The following ADAMTS19 variants were observed in gnomAD, a reference collection of about 807,000 sequenced individuals.
The protein encoded by ADAMTS19 is ADAM metallopeptidase with thrombospondin type 1 motif 19.
ADAMTS19 carries 93 observed loss-of-function variants against 153.3 expected under a neutral mutation model. The ratio of observed to expected loss-of-function variants is 0.61; its 90% CI spans 0.51 to 0.72. ADAMTS19 has a LOEUF of 0.72. ADAMTS19 is among the 30% of genes least tolerant of loss of function. The pLI, the probability that ADAMTS19 is intolerant of heterozygous loss-of-function variation, is 0.00. For missense variants in ADAMTS19, 1,482 were observed against 1,552.1 expected (o/e 0.95, Z 0.76); for synonymous variants, 600 against 556.6 (o/e 1.08, Z -1.10).
At chr5:129,619,119 A>G (rs1009310262) in intron 8 of ADAMTS19, among the ~76,000 whole-genome samples, 18 of 152,090 alleles carry the variant, frequency 1.2e-4, no homozygotes, top group Non-Finnish European at 1.5e-4. Flanking sequence ...ATTAATGTTG[A>G]TGATTAAGTA....
At chr5:129,711,147 T>A (rs1326412219) in intron 21 of ADAMTS19, among the ~76,000 whole-genome samples, 1 of 152,180 alleles carries the variant, frequency 6.6e-6, no homozygotes, top group Non-Finnish European at 1.5e-5. Context: ...ACTCAATCCC[T>A]TGTTGAAAGG....
chr5:129,703,563 C>G (rs1161201526), intron 20 of ADAMTS19, among the ~76,000 whole-genome samples: 5 of 152,088 alleles, frequency 3.3e-5, no homozygotes, highest in South Asian at 2.1e-4. Flanking sequence ...CAAATCCTAT[C>G]TCTACTGAAA....
chr5:129,651,599 A>G (rs772793240), intron 13 of ADAMTS19, among the ~76,000 whole-genome samples: 2 of 152,110 alleles, frequency 1.3e-5, no homozygotes, highest in Non-Finnish European at 2.9e-5. Flanking sequence ...AAGCTTTGAC[A>G]TCGTTCTTTA....
At chr5:129,478,796 T>C (rs1481985182) in intron 2 of ADAMTS19, among the ~76,000 whole-genome samples, 1 of 152,046 alleles carries the variant, frequency 6.6e-6, no homozygotes, top group African/African-American at 2.4e-5. Flanking sequence ...CTCCTTATCA[T>C]CTCCCAGAGT....
chr5:129,509,032 T>C, intron 2 of ADAMTS19, 45 bp from the exon 3 acceptor site: 1 of 1,449,978 alleles, frequency 6.9e-7, no homozygotes, highest in Non-Finnish European at 9.3e-7. Flanking sequence ...AAAGTATTTT[T>C]TCAAATGATA....
intron 21 of ADAMTS19, among the ~76,000 whole-genome samples, chr5:129,731,409 A>G (rs1370064763): frequency 2.0e-5 from 3 of 152,188 alleles, no homozygotes; most frequent in African/African-American, 7.2e-5. Context: ...ACAAAGTTAA[A>G]GAAGTAAACA....
intron 10 of ADAMTS19, among the ~76,000 whole-genome samples, chr5:129,631,127 G>A (rs527971421): frequency 6.7e-6 from 1 of 149,386 alleles, no homozygotes; most frequent in East Asian, 2.0e-4. Flanking sequence ...CCACTATTGG[G>A]AATATAGTAT....
intron 7 of ADAMTS19, among the ~76,000 whole-genome samples, chr5:129,589,731 T>C (rs1470297075): frequency 6.6e-6 from 1 of 152,156 alleles, no homozygotes; most frequent in Non-Finnish European, 1.5e-5. Context: ...ATCTGTGGTC[T>C]GTCTCTTCAC....
At chr5:129,614,234 A>G (rs2189134) in intron 8 of ADAMTS19, among the ~76,000 whole-genome samples, 77,567 of 151,858 alleles carry the variant, frequency 0.51, 22,892 homozygotes, top group Non-Finnish European at 0.66. Flanking sequence ...ACACACAAAA[A>G]AAGAGAATTT....
chr5:129,670,106 A>T (rs1581208872), intron 16 of ADAMTS19, among the ~76,000 whole-genome samples: 1 of 152,090 alleles, frequency 6.6e-6, no homozygotes, highest in Non-Finnish European at 1.5e-5. Flanking sequence ...CATTTCAGTT[A>T]CTCAAAATTA....
intron 7 of ADAMTS19, among the ~76,000 whole-genome samples, chr5:129,584,461 C>G (rs1011917732): frequency 1.1e-4 from 17 of 152,138 alleles, no homozygotes; most frequent in African/African-American, 3.9e-4. Flanking sequence ...GAGCCGCAGG[C>G]AGGAACAATT....
chr5:129,605,018 C>T (rs1010639274), intron 8 of ADAMTS19, among the ~76,000 whole-genome samples: 2 of 152,170 alleles, frequency 1.3e-5, no homozygotes, highest in Non-Finnish European at 2.9e-5. Flanking sequence ...GTTGACTCCA[C>T]CTTCAAAATA....
rs952250804 is a variant in ADAMTS19 at position 129,537,377 on chromosome 5, A to C, written c.1328+8700A>C. Among the ~76,000 whole-genome samples the C allele has an allele frequency of 1.3e-5, 2 of 152,196 alleles. 1 individual carries two copies. The highest frequency in any genetic ancestry group is 4.1e-4 in the South Asian group (2 of 4,832). On this transcript the variant is annotated intron_variant, in intron 6 of 22. Coordinates refer to ENST00000274487, the MANE Select transcript of ADAMTS19 (RefSeq NM_133638.6). ...GTGGAAGTCGGTGTTGCGATTCCTC[A>C]GGGATCTAGAACTACAAATACCATT...
At chr5:129,501,507 C>A (rs1230242987) in intron 2 of ADAMTS19, among the ~76,000 whole-genome samples, 1 of 152,080 alleles carries the variant, frequency 6.6e-6, no homozygotes, top group Non-Finnish European at 1.5e-5. Flanking sequence ...GACGTCCAAA[C>A]CCTTAGTGTA....
intron 2 of ADAMTS19, among the ~76,000 whole-genome samples, chr5:129,490,769 T>G (rs1172742374): frequency 1.3e-5 from 2 of 152,132 alleles, no homozygotes; most frequent in Non-Finnish European, 2.9e-5. Context: ...ACTGAACTGC[T>G]CTCAGTTATC....
chr5:129,545,812 G>A (rs1180615798), intron 6 of ADAMTS19, among the ~76,000 whole-genome samples: 3 of 150,702 alleles, frequency 2.0e-5, no homozygotes, highest in Non-Finnish European at 4.4e-5. Context: ...TTCAACCATT[G>A]TGGAAGTCAG....
intron 10 of ADAMTS19, among the ~76,000 whole-genome samples, chr5:129,630,646 A>G (rs1452127175): frequency 6.6e-6 from 1 of 152,076 alleles, no homozygotes; most frequent in Non-Finnish European, 1.5e-5. Context: ...ATAAAACTTC[A>G]GGGAAAAAGG....
intron 3 of ADAMTS19, among the ~76,000 whole-genome samples, chr5:129,512,897 A>T (rs1751486157): frequency 6.6e-6 from 1 of 151,958 alleles, no homozygotes; most frequent in African/African-American, 2.4e-5. Context: ...GGCATTTCTC[A>T]GGACTTCCCT....
chr5:129,505,534 G>A (rs1431763336), intron 2 of ADAMTS19, among the ~76,000 whole-genome samples: 2 of 152,100 alleles, frequency 1.3e-5, no homozygotes, highest in East Asian at 3.8e-4. Flanking sequence ...CAAATTTTAT[G>A]TTTTGATTAG....
Sources: allele counts gnomAD v4.1 joint callset (sites outside exome capture counted in the v4.1 genomes callset), GRCh38; gene constraint gnomAD v4.1.1; transcripts MANE v1.5; gene names NCBI Gene and HGNC (gene_info 2026-07-23, HGNC 2026-07-21).